The following NTRK3 variants were observed in gnomAD, a reference collection of about 807,000 sequenced individuals.
The protein encoded by NTRK3 is NT-3 growth factor receptor.
In NTRK3, 24 loss-of-function variants were observed where a neutral mutation model predicts 91.7. That is an observed-to-expected ratio of 0.26 (90% confidence interval 0.19 to 0.37). NTRK3 has a LOEUF of 0.37. NTRK3 is among the 10% of genes least tolerant of loss of function. The pLI is 1.00. For missense variants in NTRK3, 880 were observed against 1,068.9 expected, an observed-to-expected ratio of 0.82 and a Z score of 2.46; for synonymous variants, 483 against 404.0, an observed-to-expected ratio of 1.20 and a Z score of -2.34.
intron 13 of NTRK3, among the ~76,000 whole-genome samples, chr15:88,070,543 A>C (rs553902630): frequency 6.6e-6 from 1 of 152,250 alleles, no homozygotes; most frequent in South Asian, 2.1e-4. Flanking sequence ...TCATGTCAGG[A>C]GGACTCCTTA....
chr15:88,203,667 A>G (rs1359624202), intron 3 of NTRK3, among the ~76,000 whole-genome samples: 1 of 152,190 alleles, frequency 6.6e-6, no homozygotes. Context: ...TCTATTGTAC[A>G]TTTCCAAATA....
At chr15:88,184,283 G>C in exon 4 of NTRK3, 1 of 1,614,088 alleles carries the variant, frequency 6.2e-7, no homozygotes, top group South Asian at 1.1e-5. Context: ...TGAAGACTGC[G>C]CCAGTTCTCT....
intron 13 of NTRK3, among the ~76,000 whole-genome samples, chr15:88,060,739 G>A (rs188533831): frequency 6.6e-6 from 1 of 152,310 alleles, no homozygotes; most frequent in East Asian, 1.9e-4. Context: ...TGGGGTAGAA[G>A]TGGAAGCAAG....
At chr15:88,155,705 T>C (rs114853072) in intron 5 of NTRK3, among the ~76,000 whole-genome samples, 4 of 152,352 alleles carry the variant, frequency 2.6e-5, no homozygotes, top group African/African-American at 9.6e-5. Context: ...TGAAATTTTC[T>C]GTTAGTCACA....
intron 12 of NTRK3, 72 bp from the exon 13 acceptor site, chr15:88,126,445 G>A: frequency 2.0e-6 from 2 of 1,005,084 alleles, no homozygotes; most frequent in Non-Finnish European, 3.1e-6. Flanking sequence ...TAATGTGTGT[G>A]CCCAGATAAG....
At position 88,122,527 on chromosome 15, in the gene NTRK3, A is replaced by C. The variant is rs193136360; in HGVS notation, c.1396+3744T>G. Among the ~76,000 whole-genome samples, 11 of 152,350 alleles carry C rather than the reference A, an allele frequency of 7.2e-5. No individual in the cohort carries two copies. In the East Asian group the frequency reaches 2.1e-3, roughly 29 times the overall value. Reference sequence around the variant, plus strand: ...GACTAAAGGGGTTTTAGTTTTAGTCATATTTTATATCTTCCCAAACTAAAG... The same window carrying C: ...GACTAAAGGGGTTTTAGTTTTAGTCCTATTTTATATCTTCCCAAACTAAAG... On this transcript the variant is annotated intron_variant, in intron 13 of 18. Coordinates refer to ENST00000394480, the Ensembl canonical transcript of NTRK3.
intron 6 of NTRK3, among the ~76,000 whole-genome samples, chr15:88,145,715 G>A (rs1462585559): frequency 1.3e-5 from 2 of 152,172 alleles, no homozygotes; most frequent in Admixed American, 6.5e-5. Context: ...ATGTCCCCTG[G>A]AGAGATGCCA....
intron 13 of NTRK3, among the ~76,000 whole-genome samples, chr15:88,069,797 A>C (rs547724858): frequency 2.0e-5 from 3 of 152,330 alleles, no homozygotes; most frequent in African/African-American, 7.2e-5. Context: ...GTACACGTCC[A>C]AATACATTTG....
In NTRK3 at chr15:88,010,110, G is replaced by C. The variant is rs1311480584; in HGVS notation, c.1585+22747C>G. Among the ~76,000 whole-genome samples the C allele has an allele frequency of 3.3e-5, 5 of 152,106 alleles. No homozygotes were observed. The East Asian group carries it at 9.7e-4, about 29-fold the overall frequency. On this transcript the variant is annotated intron_variant, in intron 14 of 18. Transcript: ENST00000394480. ...TCTCTGGCCTGTTTTGGCATGACCA[G>C]CCCCCTCTAGATCCCAGCAATCTAG... is the stretch of plus-strand genomic sequence containing the variant.
At chr15:87,927,882 C>T (rs1408844026) in intron 17 of NTRK3, 1 of 152,238 alleles carries the variant, frequency 6.6e-6, no homozygotes, top group African/African-American at 2.4e-5. Context: ...AGGAATATGA[C>T]ATCCCTTGAC....
At chr15:88,106,410 A>G (rs2050714137) in intron 13 of NTRK3, among the ~76,000 whole-genome samples, 1 of 152,228 alleles carries the variant, frequency 6.6e-6, no homozygotes, top group Non-Finnish European at 1.5e-5. Context: ...CCTTGGGGCA[A>G]ATGGATTAGA....
chr15:88,135,052 G>A (rs1253224870), intron 10 of NTRK3, 49 bp downstream of exon 10: 4 of 1,605,708 alleles, frequency 2.5e-6, no homozygotes, highest in African/African-American at 1.3e-5. Flanking sequence ...CATCTCCCAA[G>A]CTTGTAGAAA....
chr15:87,915,616 A>C lies in NTRK3; in HGVS notation c.2133+13575T>G, dbSNP rs532197544. On this transcript the variant is annotated intron_variant, in intron 17 of 18. Coordinates refer to ENST00000394480, the Ensembl canonical transcript of NTRK3. ...TAAATTTCCCTAAATTCTCTTGAGT[A>C]GGTTCTTCTCCTCTCTAAATTTAGT... 2.6e-5 allele frequency among the ~76,000 whole-genome samples: 4 copies of C among 152,282 alleles called. No homozygotes were observed. In the South Asian group the frequency reaches 8.3e-4, roughly 32 times the overall value.
At chr15:88,221,054 G>C (rs924162568) in intron 3 of NTRK3, among the ~76,000 whole-genome samples, 3 of 152,200 alleles carry the variant, frequency 2.0e-5, no homozygotes, top group African/African-American at 7.2e-5. Context: ...TGGGAATCTA[G>C]TCCAATGCTT....
chr15:88,128,889 C>A (rs1056604163), intron 10 of NTRK3, among the ~76,000 whole-genome samples, 155 bp from the exon 11 acceptor site: 1 of 152,206 alleles, frequency 6.6e-6, no homozygotes, highest in East Asian at 1.9e-4. Context: ...TCACCCGTCT[C>A]CCCATGCTAC....
At chr15:87,979,149 A>T in intron 14 of NTRK3, 1 of 626,520 alleles carries the variant, frequency 1.6e-6, no homozygotes, top group South Asian at 1.9e-5. Flanking sequence ...GATTGGAGGG[A>T]AGGGGCAACC....
At chr15:87,900,110 G>A (rs2066363224) in intron 17 of NTRK3, among the ~76,000 whole-genome samples, 1 of 152,204 alleles carries the variant, frequency 6.6e-6, no homozygotes, top group Admixed American at 6.5e-5. Flanking sequence ...TCATTTAAAA[G>A]TGGGGATTCA....
intron 13 of NTRK3, chr15:88,099,273 G>A: frequency 4.5e-6 from 1 of 224,112 alleles, no homozygotes; most frequent in Non-Finnish European, 8.9e-6. Context: ...GAGCACGACT[G>A]ACTTTGGAAG....
chr15:88,210,636 G>A (rs1367917477), intron 3 of NTRK3, among the ~76,000 whole-genome samples: 1 of 152,210 alleles, frequency 6.6e-6, no homozygotes, highest in Non-Finnish European at 1.5e-5. Context: ...AACACCTGGA[G>A]CAACTTGCCC....
Sources: allele counts gnomAD v4.1 joint callset (sites outside exome capture counted in the v4.1 genomes callset), GRCh38; gene constraint gnomAD v4.1.1; transcripts MANE v1.5; gene names NCBI Gene and HGNC (gene_info 2026-07-23, HGNC 2026-07-21).